The following PPP1R13B variants were observed in gnomAD, a reference collection of about 807,000 sequenced individuals.
The protein encoded by PPP1R13B is protein phosphatase 1 regulatory subunit 13B, also known as apoptosis-stimulating of p53 protein 1.
A neutral mutation model predicts 119.8 loss-of-function variants in PPP1R13B; 44 were observed. The observed-to-expected ratio is 0.37, with a 90% CI of 0.29 to 0.47. The LOEUF (loss-of-function observed/expected upper bound fraction) is 0.47, where lower values mean the gene tolerates loss of function less well. PPP1R13B is among the 20% of genes least tolerant of loss of function. PPP1R13B has a pLI of 0.99. For missense variants in PPP1R13B, 1,227 were observed against 1,413.5 expected (o/e 0.87, Z 2.12); for synonymous variants, 542 against 561.5 (o/e 0.97, Z 0.49).
chr14:103,789,564 G>C (rs528935940), intron 2 of PPP1R13B, among the ~76,000 whole-genome samples: 18 of 150,332 alleles, frequency 1.2e-4, no homozygotes, highest in Middle Eastern at 3.5e-3. Context: ...GCCCAGGCTA[G>C]AGTACAGTGG....
At chr14:103,832,870 T>C (rs1371641535) in intron 1 of PPP1R13B, among the ~76,000 whole-genome samples, 1 of 151,970 alleles carries the variant, frequency 6.6e-6, no homozygotes, top group Non-Finnish European at 1.5e-5. Flanking sequence ...TAATCCCAGC[T>C]ACTTGGGAGG....
At chr14:103,744,424 G>A (rs1329570352) in intron 9 of PPP1R13B, among the ~76,000 whole-genome samples, 1 of 152,180 alleles carries the variant, frequency 6.6e-6, no homozygotes, top group African/African-American at 2.4e-5. Context: ...GGATGGGAGG[G>A]TACACGTGGC....
chr14:103,782,873 G>A (rs921871818), intron 3 of PPP1R13B, among the ~76,000 whole-genome samples: 1 of 151,348 alleles, frequency 6.6e-6, no homozygotes, highest in African/African-American at 2.4e-5. Context: ...GCGCGATCTC[G>A]GGCTCACTGT....
chr14:103,757,269 G>T (rs1243759886), intron 5 of PPP1R13B, among the ~76,000 whole-genome samples: 1 of 151,656 alleles, frequency 6.6e-6, no homozygotes, highest in Non-Finnish European at 1.5e-5. Flanking sequence ...TCCCAGGCTG[G>T]TCCTGAACTC....
intron 1 of PPP1R13B, among the ~76,000 whole-genome samples, chr14:103,801,386 C>G (rs1174573706): frequency 6.6e-6 from 1 of 152,026 alleles, no homozygotes; most frequent in Non-Finnish European, 1.5e-5. Context: ...CTGAGAAAAC[C>G]TTCCAGGTTC....
At chr14:103,769,477 T>G (rs1241300403) in intron 4 of PPP1R13B, among the ~76,000 whole-genome samples, 2 of 152,072 alleles carry the variant, frequency 1.3e-5, no homozygotes, top group African/African-American at 2.4e-5. Context: ...TAGTCTCAAG[T>G]TATTCTCTTG....
chr14:103,846,704 C>T (rs2087045997), intron 1 of PPP1R13B: 1 of 455,768 alleles, frequency 2.2e-6, no homozygotes, highest in African/African-American at 2.0e-5. Flanking sequence ...AGGACAAAGA[C>T]ACCACCACTA....
rs1258693367 is a variant in PPP1R13B at position 103,762,744 on chromosome 14, G to T, written c.355-4993C>A. The stretch of plus-strand genomic sequence containing the variant: ...CGGTGGCCGTGGGGGTGAGACGGAT[G>T]GGGGTGGAGGCGCTGCTGCTGTGGG... On this transcript the variant is annotated intron_variant, in intron 4 of 16. Coordinates refer to ENST00000202556, the MANE Select transcript of PPP1R13B (RefSeq NM_015316.3). 6 of 678,688 alleles carry T rather than the reference G, an allele frequency of 8.8e-6. No homozygotes were observed. In the East Asian group the frequency reaches 1.7e-4, roughly 19 times the overall value. 42.0% of individuals were successfully genotyped at this position (678,688 alleles called of 1,614,324 possible).
At chr14:103,776,306 T>C (rs191527205) in intron 4 of PPP1R13B, among the ~76,000 whole-genome samples, 3 of 152,194 alleles carry the variant, frequency 2.0e-5, no homozygotes, top group Admixed American at 6.5e-5. Flanking sequence ...TTAAAGTTGA[T>C]AGTACAAATA....
chr14:103,818,480 C>T (rs1033607812), intron 1 of PPP1R13B: 2 of 980,396 alleles, frequency 2.0e-6, no homozygotes, highest in Non-Finnish European at 2.4e-6. Flanking sequence ...TTGTCAGGTA[C>T]CTGTTTTCAC....
chr14:103,848,162 C>A (rs2087117421), upstream of PPP1R13B: 1 of 873,508 alleles, frequency 1.1e-6, no homozygotes, highest in Non-Finnish European at 1.4e-6. Flanking sequence ...CCACCGGCGT[C>A]TTCCGCGGCT....
At chr14:103,765,275 C>A (rs961162061) in intron 4 of PPP1R13B, among the ~76,000 whole-genome samples, 4 of 151,930 alleles carry the variant, frequency 2.6e-5, no homozygotes, top group Non-Finnish European at 5.9e-5. Context: ...AACCTAGAAT[C>A]AAAAAAATAT....
intron 2 of PPP1R13B, among the ~76,000 whole-genome samples, chr14:103,789,663 AC>A (rs2085566700): frequency 6.6e-6 from 1 of 151,640 alleles, no homozygotes; most frequent in African/African-American, 2.4e-5. Context: ...ACAGGTGTGC[AC>A]TACCACGCCC....
chr14:103,847,663 T>C (rs1278704163), upstream of PPP1R13B: 3 of 968,334 alleles, frequency 3.1e-6, no homozygotes, highest in East Asian at 1.2e-4. Flanking sequence ...CCCCCTCTGA[T>C]TGGCCCGGTG....
intron 1 of PPP1R13B, among the ~76,000 whole-genome samples, chr14:103,800,996 A>G (rs12880233): frequency 0.45 from 67,565 of 151,714 alleles, 15,541 homozygotes; most frequent in African/African-American, 0.56. Flanking sequence ...GATTACAAGC[A>G]TGCACCAACA....
intron 4 of PPP1R13B, among the ~76,000 whole-genome samples, chr14:103,765,389 G>A (rs1245433892): frequency 6.6e-6 from 1 of 152,060 alleles, no homozygotes; most frequent in Non-Finnish European, 1.5e-5. Context: ...TTAGTTTATA[G>A]GAGAACACAC....
chr14:103,742,122 C>A lies in PPP1R13B; in HGVS notation c.1490G>T (p.Arg497Leu), dbSNP rs1300639425. 1 of 1,613,000 alleles carries A rather than the reference C, an allele frequency of 6.2e-7. No homozygotes were observed. The highest frequency in any genetic ancestry group is 1.1e-5 in the South Asian group (1 of 91,054). Residue 497 changes from arginine to leucine, a missense_variant, in exon 11 of 17, where the codon CGA becomes CTA. Physicochemically the swap from Arg to Leu is moderately radical, Grantham distance 102 (BLOSUM62 -2). Coordinates refer to ENST00000202556, the MANE Select transcript of PPP1R13B (RefSeq NM_015316.3). The surrounding 1 kb of genome is among the most constrained non-coding windows in gnomAD (Gnocchi z 4.9). ...GGCGGGCAGCAGGGTGGGCCTCTGT[C>A]GACTTGGCAGGCCTGCACTGGGCCT... ...LPRPSAGLPSRQRPTLLPATG... is the reference protein window; with the variant it reads ...LPRPSAGLPSLQRPTLLPATG...
intron 6 of PPP1R13B, 40 bp from the exon 7 acceptor site, chr14:103,753,236 T>C: frequency 6.6e-7 from 1 of 1,513,772 alleles, no homozygotes; most frequent in Admixed American, 2.2e-5. Flanking sequence ...AAGATTTAGT[T>C]GATCCTTTTT....
chr14:103,772,319 GCA>G (rs1305847570), intron 4 of PPP1R13B, among the ~76,000 whole-genome samples: 3 of 152,334 alleles, frequency 2.0e-5, no homozygotes, highest in Non-Finnish European at 4.4e-5. Context: ...GTACAAGTCT[GCA>G]CAGACATTTG....
Sources: allele counts gnomAD v4.1 joint callset (sites outside exome capture counted in the v4.1 genomes callset), GRCh38; gene constraint gnomAD v4.1.1; non-coding constraint Gnocchi (gnomAD v3.1); transcripts MANE v1.5; gene names NCBI Gene and HGNC (gene_info 2026-07-23, HGNC 2026-07-21).